ODR4: variants seen among roughly 807,000 people sequenced by gnomAD.
ODR4 encodes protein odr-4 homolog.
A neutral mutation model predicts 60.2 loss-of-function variants in ODR4; 47 were observed. The ratio of observed to expected loss-of-function variants is 0.78; its 90% CI spans 0.62 to 1.00. ODR4 has a LOEUF of 1.00. Among genes scored for constraint, ODR4 ranks in the 50% least tolerant of loss-of-function variants. ODR4 has a pLI of 0.00. For synonymous variants in ODR4, 178 were observed against 175.5 expected (o/e 1.01, Z -0.11); for missense variants, 488 against 530.8 (o/e 0.92, Z 0.79).
At chr1:186,390,885 G>A (rs751520005) in intron 7 of ODR4, 34 bp downstream of exon 7, 2 of 1,578,876 alleles carry the variant, frequency 1.3e-6, no homozygotes, top group Non-Finnish European at 1.7e-6. Flanking sequence ...TTCAGTGATT[G>A]CTGAGTGAAC....
intron 9 of ODR4, among the ~76,000 whole-genome samples, chr1:186,397,596 C>G (rs1660753648): frequency 6.6e-6 from 1 of 152,084 alleles, no homozygotes; most frequent in Admixed American, 6.5e-5. Flanking sequence ...CTTATATGCT[C>G]CAATTACCTT....
At chr1:186,382,879 A>T in intron 2 of ODR4, 143 bp from the exon 3 acceptor site, 1 of 767,530 alleles carries the variant, frequency 1.3e-6, no homozygotes, top group Non-Finnish European at 2.0e-6. Context: ...AGCTTCCATT[A>T]TAATGTGGGT....
chr1:186,390,089 A>G (rs1660405515), intron 6 of ODR4, among the ~76,000 whole-genome samples: 1 of 152,150 alleles, frequency 6.6e-6, no homozygotes, highest in African/African-American at 2.4e-5. Flanking sequence ...TACGGGCTTG[A>G]GCCACCACGG....
chr1:186,386,673 A>C (rs922588753), intron 4 of ODR4, among the ~76,000 whole-genome samples: 1 of 152,222 alleles, frequency 6.6e-6, no homozygotes, highest in Non-Finnish European at 1.5e-5. Context: ...GAAACAAATT[A>C]TAATGCTTTA....
intron 1 of ODR4, among the ~76,000 whole-genome samples, chr1:186,379,443 CA>C (rs57320656): frequency 0.021 from 1,247 of 58,518 alleles, 22 homozygotes; most frequent in African/African-American, 0.055. Context: ...AACTCCGTCT[CA>C]AAAAAAAAAA....
intron 9 of ODR4, among the ~76,000 whole-genome samples, chr1:186,395,956 T>G (rs890085687): frequency 2.9e-4 from 44 of 152,190 alleles, no homozygotes; most frequent in African/African-American, 1.1e-3. Context: ...TTTTTGTTCT[T>G]ATTTTCTACC....
At position 186,390,776 on chromosome 1, in the gene ODR4, G is replaced by A. The variant is rs1317619419; in HGVS notation, c.540G>A (p.Glu180=). 6.2e-7 allele frequency: 1 copy of A among 1,612,964 alleles called. No homozygotes were observed. Among genetic ancestry groups the A allele is most frequent in the Admixed American group, 1.7e-5 (1 of 60,000 alleles). ...SGLSSSWLSL[E]CTVHINIHIP... is the part of the protein sequence containing the mutation. The stretch of plus-strand genomic sequence containing the variant: ...TATCATCCTCATGGCTTTCTTTAGA[G>A]TGTACAGTTCACATTAATATTCACA... The change falls in exon 7 of 14, where the codon GAG becomes GAA. Residue 180 remains glutamate (E), a synonymous_variant. Transcript: ENST00000287859.
chr1:186,401,341 T>C (rs879404532), intron 11 of ODR4: 3 of 556,078 alleles, frequency 5.4e-6, no homozygotes, highest in Non-Finnish European at 9.6e-6. Flanking sequence ...CCTTGGGACC[T>C]GTGTGAAGAG....
chr1:186,388,392 C>CT (rs760882527), intron 4 of ODR4, 50 bp from the exon 5 acceptor site: 3,614 of 1,017,030 alleles, frequency 3.6e-3, no homozygotes, highest in South Asian at 4.6e-3. Context: ...CAACACTCAT[C>CT]TTTTTTTTTC....
intron 1 of ODR4, among the ~76,000 whole-genome samples, 175 bp downstream of exon 1, chr1:186,376,149 G>T (rs6425028): frequency 0.14 from 21,336 of 152,060 alleles, 1,601 homozygotes; most frequent in Non-Finnish European, 0.16. Context: ...TGGTGGGGAG[G>T]TGGCACTGAG....
rs1372389566 is a variant in ODR4, at chr1:186,420,937, A to G, written c.*1861A>G. ...ATATATTTAAATAAAATCCAGGCCTAGACTCAAGGTATTGTAAATGACAAG... is the reference window on the plus strand; with the variant it reads ...ATATATTTAAATAAAATCCAGGCCTGGACTCAAGGTATTGTAAATGACAAG... On this transcript the variant is annotated 3_prime_UTR_variant, in exon 14 of 14. Transcript: ENST00000287859. 1.3e-5 allele frequency: 2 copies of G among 152,220 alleles called. No individual in the cohort carries two copies. Among genetic ancestry groups the G allele is most frequent in the African/African-American group, 4.8e-5 (2 of 41,454 alleles). 9.4% of individuals were successfully genotyped at this position (152,220 alleles called of 1,614,324 possible).
chr1:186,384,142 A>G (rs574369358), intron 3 of ODR4, among the ~76,000 whole-genome samples: 67 of 152,222 alleles, frequency 4.4e-4, no homozygotes, highest in Non-Finnish European at 7.8e-4. Flanking sequence ...AAAGAAAAAA[A>G]GGCCTGTTTG....
At chr1:186,423,492 T>A (rs956924810), downstream of ODR4, among the ~76,000 whole-genome samples, 1 of 140,216 alleles carries the variant, frequency 7.1e-6, no homozygotes. Context: ...TCTCGCTCTG[T>A]CACCCAGGTT....
chr1:186,431,562 T>C, the ODR4 span, among the ~76,000 whole-genome samples: 15 of 152,268 alleles, frequency 9.9e-5, no homozygotes, highest in African/African-American at 3.6e-4. Flanking sequence ...TATTTGTCAG[T>C]TGCAAGGATG....
At chr1:186,384,309 C>G (rs1660161983) in intron 3 of ODR4, among the ~76,000 whole-genome samples, 1 of 151,470 alleles carries the variant, frequency 6.6e-6, no homozygotes, top group African/African-American at 2.4e-5. Context: ...TTTTAACAAC[C>G]AGCTCTCGTA....
chr1:186,408,503 A>G (rs1419392933), intron 12 of ODR4, among the ~76,000 whole-genome samples: 5 of 150,268 alleles, frequency 3.3e-5, no homozygotes, highest in Non-Finnish European at 7.4e-5. Flanking sequence ...TTATATAAAC[A>G]TATAAACAAT....
intron 12 of ODR4, chr1:186,412,005 C>T (rs184515792): frequency 1.1e-3 from 202 of 190,886 alleles, no homozygotes; most frequent in Non-Finnish European, 1.3e-3. Flanking sequence ...TAGGTATGAT[C>T]CTTTCAGGAC....
At chr1:186,392,775 G>T (rs1391646946) in intron 8 of ODR4, among the ~76,000 whole-genome samples, 3 of 152,134 alleles carry the variant, frequency 2.0e-5, no homozygotes, top group African/African-American at 4.8e-5. Flanking sequence ...GGCCAAGGTG[G>T]GCAGATCACT....
chr1:186,400,139 G>C (rs1017476349), intron 11 of ODR4, among the ~76,000 whole-genome samples: 45 of 150,056 alleles, frequency 3.0e-4, no homozygotes, highest in South Asian at 2.1e-4. Flanking sequence ...CTACAGGCAC[G>C]CGCCACCATG....
Sources: allele counts gnomAD v4.1 joint callset (sites outside exome capture counted in the v4.1 genomes callset), GRCh38; gene constraint gnomAD v4.1.1; transcripts MANE v1.5; gene names NCBI Gene and HGNC (gene_info 2026-07-23, HGNC 2026-07-21).